The following METTL15 variants were observed in gnomAD, a reference collection of about 807,000 sequenced individuals.
METTL15 encodes the protein methyltransferase 15, mitochondrial 12S rRNA N4-cytidine.
In METTL15, 34 loss-of-function variants were observed where a neutral mutation model predicts 38.3. The ratio of observed to expected loss-of-function variants is 0.89; its 90% CI spans 0.68 to 1.18. The LOEUF (loss-of-function observed/expected upper bound fraction) is 1.18. Among genes scored for constraint, METTL15 ranks in the 50% most tolerant of loss-of-function variants. METTL15 has a pLI of 0.00. For missense variants in METTL15, 438 were observed against 498.4 expected (o/e 0.88, Z 1.15); for synonymous variants, 162 against 170.9 (o/e 0.95, Z 0.41).
chr11:28,352,578 TTA>T (rs1238798560), intron 4 of METTL15, among the ~76,000 whole-genome samples: 1 of 152,146 alleles, frequency 6.6e-6, no homozygotes, highest in East Asian at 1.9e-4. Flanking sequence ...GCACAAAATG[TTA>T]TATACATTCC....
intron 3 of METTL15, among the ~76,000 whole-genome samples, chr11:28,338,533 A>G (rs1199934851): frequency 6.6e-6 from 1 of 152,004 alleles, no homozygotes; most frequent in Non-Finnish European, 1.5e-5. Context: ...TCTTCTCTCT[A>G]TTCCGTAGCC....
At chr11:28,373,689 T>A (rs1176626970) in intron 5 of METTL15, among the ~76,000 whole-genome samples, 3 of 152,250 alleles carry the variant, frequency 2.0e-5, no homozygotes, top group Non-Finnish European at 4.4e-5. Context: ...ATTTGTCAAT[T>A]TTGGCTTTTG....
intron 6 of METTL15, among the ~76,000 whole-genome samples, chr11:28,458,979 C>T (rs1390233945): frequency 6.6e-6 from 1 of 152,136 alleles, no homozygotes; most frequent in African/African-American, 2.4e-5. Context: ...TCATATACCT[C>T]CTCCCAATGA....
At chr11:28,246,301 T>A (rs1854509828) in intron 4 of METTL15, among the ~76,000 whole-genome samples, 3 of 152,166 alleles carry the variant, frequency 2.0e-5, no homozygotes, top group Admixed American at 2.0e-4. Flanking sequence ...TGAAAATATG[T>A]GTATTATGTG....
intron 6 of METTL15, among the ~76,000 whole-genome samples, chr11:28,499,322 C>T (rs1187239100): frequency 6.6e-6 from 1 of 152,118 alleles, no homozygotes; most frequent in Non-Finnish European, 1.5e-5. Context: ...CACACTCATA[C>T]AATAATTGTC....
chr11:28,473,079 G>C (rs1019582526), intron 6 of METTL15, among the ~76,000 whole-genome samples: 5 of 152,174 alleles, frequency 3.3e-5, no homozygotes, highest in Admixed American at 3.3e-4. Context: ...TTAGGAAAGA[G>C]CATGTAGTTC....
intron 5 of METTL15, among the ~76,000 whole-genome samples, chr11:28,409,666 A>G (rs1187145037): frequency 6.6e-6 from 1 of 152,092 alleles, no homozygotes; most frequent in Non-Finnish European, 1.5e-5. Context: ...ACACTCCTAC[A>G]TTAAAAAAGA....
intron 6 of METTL15, among the ~76,000 whole-genome samples, chr11:28,499,567 T>A (rs1421262332): frequency 6.6e-6 from 1 of 152,254 alleles, no homozygotes; most frequent in Non-Finnish European, 1.5e-5. Flanking sequence ...TGAGATTCTT[T>A]CCATGGCTTG....
intron 5 of METTL15, among the ~76,000 whole-genome samples, chr11:28,380,744 G>A (rs1049173666): frequency 6.6e-6 from 1 of 152,024 alleles, no homozygotes; most frequent in South Asian, 2.1e-4. Context: ...AGATTAAAAA[G>A]AATGGAAATA....
At chr11:28,374,624 G>T (rs1850285079) in intron 5 of METTL15, among the ~76,000 whole-genome samples, 1 of 143,178 alleles carries the variant, frequency 7.0e-6, no homozygotes, top group South Asian at 2.4e-4. Context: ...GGGACAATTT[G>T]ACTTCCTCTT....
intron 5 of METTL15, 34 bp from the exon 6 acceptor site, chr11:28,296,719 T>G (rs778158025): frequency 3.7e-6 from 6 of 1,608,286 alleles, no homozygotes; most frequent in Non-Finnish European, 5.1e-6. Context: ...TGAGAACTGA[T>G]GTCAGTGAAC....
At chr11:28,383,878 A>G (rs934103383) in intron 5 of METTL15, among the ~76,000 whole-genome samples, 1 of 152,080 alleles carries the variant, frequency 6.6e-6, no homozygotes, top group African/African-American at 2.4e-5. Flanking sequence ...AACTCATGTC[A>G]TGGGGATTGG....
chr11:28,200,446 C>T (rs1225181304), intron 3 of METTL15, among the ~76,000 whole-genome samples: 2 of 152,040 alleles, frequency 1.3e-5, no homozygotes, highest in Admixed American at 1.3e-4. Flanking sequence ...AATAAGCTTC[C>T]ATAAATGTAA....
chr11:28,481,202 A>C (rs1052085616), intron 6 of METTL15, among the ~76,000 whole-genome samples: 2 of 152,120 alleles, frequency 1.3e-5, no homozygotes, highest in Non-Finnish European at 2.9e-5. Context: ...AGAAAAATTT[A>C]TTTAGTCTCC....
chr11:28,292,689 T>G (rs1186681733), intron 5 of METTL15, among the ~76,000 whole-genome samples: 1 of 152,104 alleles, frequency 6.6e-6, no homozygotes, highest in Non-Finnish European at 1.5e-5. Context: ...TGTAAAAGTG[T>G]TCCTATTTCT....
chr11:28,133,236 C>G (rs1223079025), intron 3 of METTL15, among the ~76,000 whole-genome samples: 3 of 151,972 alleles, frequency 2.0e-5, no homozygotes, highest in African/African-American at 7.3e-5. Context: ...AATGGTGGTT[C>G]AAGGGTGCAA....
chr11:28,140,813 T>C (rs1317681523), intron 3 of METTL15, among the ~76,000 whole-genome samples: 1 of 152,178 alleles, frequency 6.6e-6, no homozygotes, highest in Non-Finnish European at 1.5e-5. Context: ...AGGTGTGAAT[T>C]CCTTGTCGAT....
intron 6 of METTL15, among the ~76,000 whole-genome samples, chr11:28,437,178 T>C (rs900125667): frequency 2.6e-5 from 4 of 152,186 alleles, no homozygotes; most frequent in African/African-American, 9.6e-5. Flanking sequence ...GTTTGGGGAC[T>C]CAGACTGGGC....
intron 3 of METTL15, among the ~76,000 whole-genome samples, chr11:28,157,318 G>C (rs1024137996): frequency 2.0e-4 from 31 of 152,302 alleles, no homozygotes; most frequent in Admixed American, 1.9e-3. Context: ...AACAACAGAA[G>C]GTTCTGCAAC....
Sources: allele counts gnomAD v4.1 joint callset (sites outside exome capture counted in the v4.1 genomes callset), GRCh38; gene constraint gnomAD v4.1.1; transcripts MANE v1.5; gene names NCBI Gene and HGNC (gene_info 2026-07-23, HGNC 2026-07-21).